Variants in TMEM38B observed in about 807,000 individuals in gnomAD.
TMEM38B encodes the protein transmembrane protein 38B, also known as trimeric intracellular cation channel type B.
In TMEM38B, 24 loss-of-function variants were observed where a neutral mutation model predicts 28.7. The ratio of observed to expected loss-of-function variants is 0.84; its 90% CI spans 0.61 to 1.18. The LOEUF (loss-of-function observed/expected upper bound fraction) is 1.18. Among genes scored for constraint, TMEM38B ranks in the 50% most tolerant of loss-of-function variants. The probability of loss-of-function intolerance (pLI) is 0.00; values close to 1 mark genes in which losing one functional copy is unlikely to be tolerated. For synonymous variants in TMEM38B, 131 were observed against 127.7 expected (o/e 1.03, Z -0.17); for missense variants, 380 against 350.9 (o/e 1.08, Z -0.66).
intron 5 of TMEM38B, among the ~76,000 whole-genome samples, chr9:105,756,642 C>G (rs1318401082): frequency 3.3e-5 from 5 of 152,088 alleles, no homozygotes; most frequent in Non-Finnish European, 7.3e-5. Context: ...ATTTTTCTTA[C>G]AATTGTTGCT....
chr9:105,709,281 T>C (rs1232527072), intron 2 of TMEM38B, among the ~76,000 whole-genome samples: 1 of 152,190 alleles, frequency 6.6e-6, no homozygotes, highest in Non-Finnish European at 1.5e-5. Context: ...TATATTACAG[T>C]CACTGCACAA....
In TMEM38B at chr9:105,760,642, CA is replaced by C; in HGVS notation, c.660+12453del. The stretch of plus-strand genomic sequence containing the variant: ...TCAGAAGGAATACCCCTTGATATAT[CA>C]GAAAAGATTTCCAACCACGGAGATT... On this transcript the variant is annotated intron_variant, in intron 5 of 5. Coordinates refer to ENST00000374692, the MANE Select transcript of TMEM38B (RefSeq NM_018112.3). 4 of 860,252 alleles carry C rather than the reference CA, an allele frequency of 4.6e-6. No individual in the cohort carries two copies. The South Asian group carries it at 5.4e-5, about 12-fold the overall frequency. The allele number at this position is 860,252 out of a possible 1,614,324, so 53.3% of individuals were successfully genotyped here. A position where few individuals can be genotyped will look rare whatever the true frequency, so the allele number is the denominator to read the frequency against.
At chr9:105,759,186 G>A in intron 5 of TMEM38B, 1 of 742,876 alleles carries the variant, frequency 1.3e-6, no homozygotes, top group South Asian at 1.5e-5. Flanking sequence ...AGATCTCCTT[G>A]AACCTCTCCT....
intron 4 of TMEM38B, among the ~76,000 whole-genome samples, chr9:105,733,698 T>A (rs970482081): frequency 6.6e-6 from 1 of 152,038 alleles, no homozygotes; most frequent in Non-Finnish European, 1.5e-5. Context: ...TAATCTTGGT[T>A]GGTTATTTTT....
At chr9:105,714,560 G>T (rs1305165701) in intron 2 of TMEM38B, among the ~76,000 whole-genome samples, 2 of 152,182 alleles carry the variant, frequency 1.3e-5, no homozygotes, top group Non-Finnish European at 2.9e-5. Context: ...TGAACTGGAT[G>T]TCTGTCATTG....
intron 2 of TMEM38B, 128 bp from the exon 3 acceptor site, chr9:105,721,409 A>G: frequency 1.4e-6 from 1 of 726,772 alleles, no homozygotes; most frequent in Non-Finnish European, 2.1e-6. Context: ...ATTGAAATCA[A>G]GTTAAATGTT....
At chr9:105,758,776 A>G (rs1837926987) in intron 5 of TMEM38B, 1 of 790,284 alleles carries the variant, frequency 1.3e-6, no homozygotes, top group African/African-American at 1.7e-5. Flanking sequence ...CCTAAAAAGC[A>G]TGGATTACAT....
chr9:105,762,726 A>G (rs1230686353), intron 5 of TMEM38B, among the ~76,000 whole-genome samples: 1 of 146,692 alleles, frequency 6.8e-6, no homozygotes, highest in African/African-American at 2.6e-5. Flanking sequence ...ATACATGTGC[A>G]TGTGTCTTTA....
intron 5 of TMEM38B, among the ~76,000 whole-genome samples, chr9:105,763,453 C>G (rs1262551470): frequency 1.3e-5 from 2 of 152,132 alleles, no homozygotes; most frequent in Non-Finnish European, 2.9e-5. Context: ...ACTACAAACA[C>G]CTCTATGCAA....
intron 4 of TMEM38B, among the ~76,000 whole-genome samples, chr9:105,723,664 T>C (rs1564395686): frequency 6.6e-6 from 1 of 152,138 alleles, no homozygotes; most frequent in Non-Finnish European, 1.5e-5. Flanking sequence ...CCAAAAGTGC[T>C]GGGATTACAG....
intron 1 of TMEM38B, among the ~76,000 whole-genome samples, chr9:105,694,973 G>C (rs778919942): frequency 6.6e-6 from 1 of 152,224 alleles, no homozygotes; most frequent in African/African-American, 2.4e-5. Context: ...GGGGGAGGAC[G>C]GAGGCTCTAG....
intron 2 of TMEM38B, among the ~76,000 whole-genome samples, chr9:105,706,489 G>A (rs1276146481): frequency 1.3e-5 from 2 of 152,206 alleles, no homozygotes; most frequent in African/African-American, 2.4e-5. Context: ...AAGACAGAGC[G>A]AGGTTTTTAT....
intron 5 of TMEM38B, among the ~76,000 whole-genome samples, chr9:105,764,644 A>G (rs1826293163): frequency 6.6e-6 from 1 of 151,718 alleles, no homozygotes; most frequent in South Asian, 2.1e-4. Context: ...TATCGTGAAA[A>G]TGGCCATACT....
chr9:105,761,256 A>G (rs1588469096), intron 5 of TMEM38B, among the ~76,000 whole-genome samples: 1 of 152,126 alleles, frequency 6.6e-6, no homozygotes, highest in Non-Finnish European at 1.5e-5. Context: ...TTCTTTTTCC[A>G]CTTTTGATCT....
intron 5 of TMEM38B, among the ~76,000 whole-genome samples, chr9:105,754,822 C>G (rs1396072990): frequency 6.6e-6 from 1 of 152,056 alleles, no homozygotes; most frequent in Admixed American, 6.6e-5. Context: ...TCAAAAAAAT[C>G]AACAAATCCA....
At chr9:105,734,090 C>T (rs1457909708) in intron 4 of TMEM38B, among the ~76,000 whole-genome samples, 2 of 151,864 alleles carry the variant, frequency 1.3e-5, no homozygotes, top group Non-Finnish European at 2.9e-5. Context: ...CTATAAACTT[C>T]CCTCTTAGAC....
chr9:105,772,703 T>A (rs1345740589), intron 5 of TMEM38B, among the ~76,000 whole-genome samples: 3 of 152,052 alleles, frequency 2.0e-5, no homozygotes, highest in African/African-American at 7.2e-5. Context: ...CACATAAAAT[T>A]AGCTGTTTTA....
intron 5 of TMEM38B, among the ~76,000 whole-genome samples, chr9:105,766,741 G>C (rs192821914): frequency 5.6e-4 from 83 of 148,760 alleles, no homozygotes; most frequent in African/African-American, 2.0e-3. Flanking sequence ...TTTTTTTTCT[G>C]TTTTTTTTTA....
At chr9:105,732,795 C>G (rs934472673) in intron 4 of TMEM38B, among the ~76,000 whole-genome samples, 2 of 152,080 alleles carry the variant, frequency 1.3e-5, no homozygotes, top group Non-Finnish European at 2.9e-5. Context: ...AGCGTGGGCT[C>G]TTTTTTGGTT....
Sources: allele counts gnomAD v4.1 joint callset (sites outside exome capture counted in the v4.1 genomes callset), GRCh38; gene constraint gnomAD v4.1.1; transcripts MANE v1.5; gene names NCBI Gene and HGNC (gene_info 2026-07-23, HGNC 2026-07-21).